The following NIBAN3 variants were observed in gnomAD, a reference collection of about 807,000 sequenced individuals.
NIBAN3 encodes the protein niban apoptosis regulator 3.
Under a neutral mutation model 76.4 loss-of-function variants are expected in NIBAN3, and 66 were observed. The observed-to-expected ratio is 0.86, with a 90% CI of 0.71 to 1.06. NIBAN3 has a LOEUF of 1.06. NIBAN3 is among the 50% of genes least tolerant of loss of function. The pLI is 0.00. For missense variants in NIBAN3, 808 were observed against 810.7 expected (o/e 1.00, Z 0.04); for synonymous variants, 360 against 355.2 (o/e 1.01, Z -0.15).
At chr19:17,543,258 G>T (rs946600691) in intron 10 of NIBAN3, 59 bp from the exon 11 acceptor site, 2 of 1,212,994 alleles carry the variant, frequency 1.6e-6, no homozygotes, top group African/African-American at 1.5e-5. Context: ...CTGGGCAGGA[G>T]TGGGGCCCGG....
intron 12 of NIBAN3, chr19:17,545,462 C>T (rs752048273): frequency 2.4e-4 from 44 of 180,312 alleles, no homozygotes; most frequent in Non-Finnish European, 2.7e-4. Context: ...CAGCTGGGCC[C>T]GGGGGACCAC....
At position 17,533,719 on chromosome 19, in the gene NIBAN3, C is replaced by T. The variant is rs2144693464; in HGVS notation, c.427+18C>T. ...ATCCTTGGGTAAGGGTCCCGGGGTT[C>T]CCAGGAACAGGTTTCTCCACCCCAG... On this transcript the variant is annotated intron_variant, in intron 4 of 14. Coordinates refer to ENST00000599164, the MANE Select transcript of NIBAN3 (RefSeq NM_001321827.2). 1.3e-6 allele frequency: 2 copies of T among 1,582,828 alleles called. No individual in the cohort carries two copies. The highest frequency in any genetic ancestry group is 2.2e-5 in the South Asian group (2 of 90,394).
At chr19:17,533,251 A>T (rs2075762579) in intron 3 of NIBAN3, among the ~76,000 whole-genome samples, 1 of 152,146 alleles carries the variant, frequency 6.6e-6, no homozygotes, top group Non-Finnish European at 1.5e-5. Flanking sequence ...CTCAATTAAA[A>T]ATACAAAAAT....
chr19:17,523,811 C>T (rs2075580085), upstream of NIBAN3, among the ~76,000 whole-genome samples: 1 of 152,216 alleles, frequency 6.6e-6, no homozygotes, highest in Non-Finnish European at 1.5e-5. Flanking sequence ...TGAGCACATT[C>T]CCACCCCAGG....
upstream of NIBAN3, chr19:17,523,350 G>C: frequency 7.9e-7 from 1 of 1,262,002 alleles, no homozygotes; most frequent in Non-Finnish European, 1.1e-6. Context: ...GCTGTGCAGG[G>C]TGAGAGTGGA....
At chr19:17,540,345 G>C in intron 8 of NIBAN3, 47 bp from the exon 9 acceptor site, 2 of 1,367,054 alleles carry the variant, frequency 1.5e-6, no homozygotes. Flanking sequence ...CCCCATCTGT[G>C]AGGCACCTTG....
At position 17,539,427 on chromosome 19, in the gene NIBAN3, C is replaced by T; in HGVS notation, c.792C>T (p.Arg264=). 5 of 1,506,168 alleles carry T rather than the reference C, an allele frequency of 3.3e-6. No homozygotes were observed. Among genetic ancestry groups the T allele is most frequent in the Non-Finnish European group, 4.4e-6 (5 of 1,131,776 alleles). 93.3% of individuals were successfully genotyped at this position (1,506,168 alleles called of 1,614,324 possible). A position where few individuals can be genotyped will look rare whatever the true frequency, so the allele number is the denominator to read the frequency against. The stretch of plus-strand genomic sequence containing the variant: ...TTCCTGGCCTGCGGGGGGCAGGCCG[C>T]GCCCGCGCCTGGGCCTGGACCGAGG... The part of the protein sequence containing the change: ...QTLPGLRGAG[R]ARAWAWTELL... Residue 264 remains arginine, a synonymous_variant, in exon 7 of 15, where the codon CGC becomes CGT. Transcript: ENST00000599164.
chr19:17,539,998 TC>T (rs1046916862), intron 8 of NIBAN3, among the ~76,000 whole-genome samples: 4 of 150,604 alleles, frequency 2.7e-5, no homozygotes, highest in African/African-American at 9.8e-5. Flanking sequence ...CTAGAGTCTG[TC>T]CGGAGGAAAC....
At chr19:17,549,806 ATCTC>A (rs144647053) in intron 14 of NIBAN3, 13,700 of 363,528 alleles carry the variant, frequency 0.038, 151 homozygotes, top group Middle Eastern at 0.06. Flanking sequence ...TTTGTGTCCC[ATCTC>A]TCTCTCTCTC....
chr19:17,547,093 C>T (rs2076069962), intron 13 of NIBAN3, among the ~76,000 whole-genome samples: 1 of 151,958 alleles, frequency 6.6e-6, no homozygotes. Context: ...TGGCTCACAC[C>T]TGTAATCCCA....
chr19:17,551,848 C>T lies in NIBAN3; in HGVS notation c.1813C>T (p.Gln605Ter). Residue 605 changes from glutamine (Q) to a stop codon, truncating the protein, a stop_gained, in exon 15 of 15, where the codon CAG becomes TAG. Transcript: ENST00000599164. LOFTEE classifies it high-confidence loss of function. The stretch of plus-strand genomic sequence containing the variant: ...TCCCAGGCAGCCAGACTCTGGTGCC[C>T]AGATCCAGCCACTCTGCCCACCGCC... ...ACPRQPDSGAQIQPLCPPPSP... is the reference protein window; with the variant it reads ...ACPRQPDSGA 2 of 780,276 alleles carry T rather than the reference C, an allele frequency of 2.6e-6. No homozygotes were observed. Among genetic ancestry groups the T allele is most frequent in the Non-Finnish European group, 4.8e-6 (2 of 417,556 alleles). 48.3% of individuals were successfully genotyped at this position (780,276 alleles called of 1,614,324 possible).
chr19:17,536,175 CCTTTT>C (rs2075821879), intron 4 of NIBAN3, among the ~76,000 whole-genome samples: 1 of 152,066 alleles, frequency 6.6e-6, no homozygotes, highest in East Asian at 1.9e-4. Context: ...CTATTGATTT[CCTTTT>C]CTTTTCTTCT....
At chr19:17,549,718 G>C in intron 14 of NIBAN3, 191 bp downstream of exon 14, 1 of 649,664 alleles carries the variant, frequency 1.5e-6, no homozygotes, top group South Asian at 1.7e-5. Context: ...GAGTGCATCT[G>C]AGCCACAGAG....
intron 14 of NIBAN3, among the ~76,000 whole-genome samples, chr19:17,550,669 AAC>A (rs2144788893): frequency 6.6e-6 from 1 of 152,164 alleles, no homozygotes; most frequent in East Asian, 1.9e-4. Context: ...CTGTCTCAAA[AAC>A]ACAAACTAAC....
At chr19:17,543,658 G>A in intron 12 of NIBAN3, 27 bp downstream of exon 12, 1 of 1,574,478 alleles carries the variant, frequency 6.4e-7, no homozygotes, top group Non-Finnish European at 8.7e-7. Context: ...TGTGCAAGAG[G>A]GTCTGACAGC....
intron 1 of NIBAN3, among the ~76,000 whole-genome samples, chr19:17,530,270 G>C (rs143408177): frequency 3.3e-5 from 5 of 152,138 alleles, no homozygotes; most frequent in Non-Finnish European, 7.4e-5. Context: ...GCAGTGAGCT[G>C]TGATCGTGCC....
chr19:17,546,558 AC>A (rs2076058215), intron 12 of NIBAN3, 127 bp from the exon 13 acceptor site: 2 of 1,287,050 alleles, frequency 1.6e-6, no homozygotes, highest in East Asian at 6.3e-5. Flanking sequence ...AGATAAGGAA[AC>A]TAAGGCCCAA....
At chr19:17,548,152 A>G (rs2076093614) in intron 13 of NIBAN3, among the ~76,000 whole-genome samples, 1 of 152,194 alleles carries the variant, frequency 6.6e-6, no homozygotes, top group Non-Finnish European at 1.5e-5. Flanking sequence ...TCATGGATTA[A>G]TTAATGCCCA....
chr19:17,531,326 A>AACACACACAC (rs35489460), intron 2 of NIBAN3, among the ~76,000 whole-genome samples: 4 of 129,000 alleles, frequency 3.1e-5, no homozygotes, highest in Admixed American at 2.5e-4. Context: ...GACTCTGTCA[A>AACACACACAC]ACACACACAC....
Sources: allele counts gnomAD v4.1 joint callset (sites outside exome capture counted in the v4.1 genomes callset), GRCh38; gene constraint gnomAD v4.1.1; transcripts MANE v1.5; gene names NCBI Gene and HGNC (gene_info 2026-07-23, HGNC 2026-07-21).